Variants in LRIG2 observed in about 807,000 individuals in gnomAD.
LRIG2 encodes leucine-rich repeats and immunoglobulin-like domains protein 2.
A neutral mutation model predicts 107.8 loss-of-function variants in LRIG2; 93 were observed. That is an observed-to-expected ratio of 0.86 (90% CI 0.73 to 1.03). The LOEUF (loss-of-function observed/expected upper bound fraction) is 1.03, where lower values mean the gene tolerates loss of function less well. Among genes scored for constraint, LRIG2 ranks in the 50% least tolerant of loss-of-function variants. The pLI is 0.00. For synonymous variants in LRIG2, 471 were observed against 470.6 expected (o/e 1.00, Z -0.01); for missense variants, 1,226 against 1,296.0 (o/e 0.95, Z 0.83).
rs1016133487 is a variant in LRIG2, at chr1:113,112,636, C to T, written c.1956C>T (p.His652=). The T allele has an allele frequency of 5.6e-6, 9 of 1,614,158 alleles. No individual in the cohort carries two copies. Among genetic ancestry groups the T allele is most frequent in the Admixed American group, 1.7e-5 (1 of 60,012 alleles). ...DFPAARERRM[H]VMPEDDVFFI... The stretch of plus-strand genomic sequence containing the variant: ...CTGCGGCTCGAGAAAGACGCATGCA[C>T]GTCATGCCCGAGGATGACGTCTTCT... Residue 652 remains histidine (H), a synonymous_variant, in exon 14 of 18, where the codon CAC becomes CAT. Transcript: ENST00000361127.
intron 1 of LRIG2, among the ~76,000 whole-genome samples, chr1:113,083,997 T>A (rs1653410332): frequency 1.6e-5 from 2 of 125,706 alleles, no homozygotes; most frequent in African/African-American, 2.9e-5. Flanking sequence ...GAACTTAAAG[T>A]ATAATAATAA....
At position 113,126,406 on chromosome 1, in the gene LRIG2, C is replaced by T. The variant is rs1273601850; in HGVS notation, c.*2305C>T. On this transcript the variant is annotated 3_prime_UTR_variant, in exon 18 of 18. Coordinates refer to ENST00000361127, the MANE Select transcript of LRIG2 (RefSeq NM_014813.3). The stretch of plus-strand genomic sequence containing the variant: ...GTAAGTGGAACTTTCATTAATACTT[C>T]TGTCGCACTTTGTACCTGACCTAGG... The T allele has an allele frequency of 1.9e-5, 3 of 157,496 alleles. No individual in the cohort carries two copies. The highest frequency in any genetic ancestry group is 7.1e-5 in the African/African-American group (3 of 41,960). The allele number at this position is 157,496 out of a possible 1,614,324, so 9.8% of individuals were successfully genotyped here. A position where few individuals can be genotyped will look rare whatever the true frequency, so the allele number is the denominator to read the frequency against.
intron 1 of LRIG2, among the ~76,000 whole-genome samples, chr1:113,087,561 C>T (rs1016914904): frequency 2.0e-5 from 3 of 152,094 alleles, no homozygotes; most frequent in Admixed American, 2.0e-4. Context: ...GCTGGCCAGG[C>T]TTGTCTCGAA....
rs749284459 is a variant in LRIG2, at chr1:113,096,001, C to A, written c.931C>A (p.Gln311Lys). ...CAGCCCTGATGCATGGGAGTTCTGC[C>A]AAAGACTATCCGAACTGTAAGTGTT... ...RISPDAWEFC[Q>K]RLSELDLSYN... The change falls in exon 7 of 18, where the codon CAA (glutamine) becomes AAA (lysine). Residue 311 changes from glutamine to lysine, a missense_variant. Coordinates refer to ENST00000361127, the MANE Select transcript of LRIG2 (RefSeq NM_014813.3). 6.2e-7 allele frequency: 1 copy of A among 1,614,126 alleles called. No homozygotes were observed. The highest frequency in any genetic ancestry group is 1.7e-5 in the Admixed American group (1 of 60,020).
rs139220276 is a variant in LRIG2 at position 113,123,723 on chromosome 1, G to GTTTT, written c.2972-150_2972-147dup. 4.7e-3 allele frequency: 2,588 copies of GTTTT among 551,456 alleles called. 41 individuals are homozygous for GTTTT. Among genetic ancestry groups the GTTTT allele is most frequent in the African/African-American group, 0.038 (1,904 of 49,848 alleles). The allele number at this position is 551,456 out of a possible 1,614,324, so 34.2% of individuals were successfully genotyped here. A position where few individuals can be genotyped will look rare whatever the true frequency, so the allele number is the denominator to read the frequency against. On this transcript the variant is annotated intron_variant, in intron 17 of 17. Coordinates refer to ENST00000361127, the MANE Select transcript of LRIG2 (RefSeq NM_014813.3). ...TTTGAAAGACCATGTTCTGGTGGTGGTTTTTGTGTGTGTGTGTGTGTGTGT... is the reference window on the plus strand; with the variant it reads ...TTTGAAAGACCATGTTCTGGTGGTGGTTTTTTTTTGTGTGTGTGTGTGTGTGTGT...
chr1:113,092,006 C>A (rs1653848900), intron 2 of LRIG2, among the ~76,000 whole-genome samples: 1 of 152,178 alleles, frequency 6.6e-6, no homozygotes, highest in Admixed American at 6.5e-5. Flanking sequence ...GATTTACTTT[C>A]CTTTTTAATT....
At chr1:113,115,025 C>T in intron 15 of LRIG2, 149 bp downstream of exon 15, 2 of 717,238 alleles carry the variant, frequency 2.8e-6, no homozygotes, top group Non-Finnish European at 4.5e-6. Context: ...GGGAGGACTG[C>T]TTGAGCCCAG....
chr1:113,108,416 G>T (rs1654628922), intron 12 of LRIG2, among the ~76,000 whole-genome samples: 2 of 151,130 alleles, frequency 1.3e-5, no homozygotes, highest in Admixed American at 1.3e-4. Flanking sequence ...TAGAGACGGG[G>T]TTTTGCCATG....
Position 113,091,384 on chromosome 1 carries a change from G to A in LRIG2, c.305+1G>A, listed in dbSNP as rs770576370. ...TGGAATCACAAACATTACAGGAAGTGTAAGTTATTTTTATTTATTTAAAGT... is the reference window on the plus strand; with the variant it reads ...TGGAATCACAAACATTACAGGAAGTATAAGTTATTTTTATTTATTTAAAGT... On this transcript the variant is annotated splice_donor_variant, in intron 2 of 17. Coordinates refer to ENST00000361127, the MANE Select transcript of LRIG2 (RefSeq NM_014813.3). LOFTEE classifies it high-confidence loss of function. 6.4e-7 allele frequency: 1 copy of A among 1,570,004 alleles called. No homozygotes were observed. The highest frequency in any genetic ancestry group is 8.7e-7 in the Non-Finnish European group (1 of 1,150,772).
intron 17 of LRIG2, among the ~76,000 whole-genome samples, chr1:113,121,587 T>C (rs1655258714): frequency 6.6e-6 from 1 of 151,618 alleles, no homozygotes; most frequent in Admixed American, 6.6e-5. Flanking sequence ...TCTAAAAAAA[T>C]TAAAAATTAG....
At chr1:113,084,072 G>C (rs946215) in intron 1 of LRIG2, among the ~76,000 whole-genome samples, 127,921 of 148,352 alleles carry the variant, frequency 0.86, 57,713 homozygotes, top group Non-Finnish European at 0.98. Context: ...TCTCTGATTT[G>C]TTTGGTCTGG....
At chr1:113,123,757 G>A in intron 17 of LRIG2, 118 bp from the exon 18 acceptor site, 3 of 685,572 alleles carry the variant, frequency 4.4e-6, no homozygotes, top group Non-Finnish European at 7.6e-6. Flanking sequence ...GTGTGTGTGT[G>A]TGTGATTTCA....
chr1:113,078,485 C>T (rs771106542), intron 1 of LRIG2, among the ~76,000 whole-genome samples: 5 of 151,936 alleles, frequency 3.3e-5, no homozygotes, highest in Non-Finnish European at 7.4e-5. Context: ...GTGATCCACC[C>T]ACCTCGGCCT....
rs138690364 is a variant in LRIG2 at position 113,114,640 on chromosome 1, C to T, written c.2294C>T (p.Thr765Ile). The change falls in exon 15 of 18, where the codon ACC becomes ATC. Residue 765 changes from threonine to isoleucine, a missense_variant. Thr to Ile is a moderately conservative substitution (Grantham distance 89, BLOSUM62 -1). This residue lies in a region of LRIG2 where 642 missense variants were observed against 712.2 expected (regional missense o/e 0.90). Transcript: ENST00000361127. ...GGGCTAGAAGATGCTGGGAAATATA[C>T]CTGCATTATGTCTAACACCCTTGGG... ...DAGLEDAGKY[T>I]CIMSNTLGTE... The T allele has an allele frequency of 5.0e-4, 813 of 1,613,936 alleles. 8 individuals are homozygous for T. Among genetic ancestry groups the T allele is most frequent in the Middle Eastern group, 6.6e-4 (4 of 6,082 alleles).
rs749321763 is a variant in LRIG2 at position 113,114,516 on chromosome 1, G to T, written c.2170G>T (p.Ala724Ser). ...ACAGTGCATAGCTGGAGGGAGTCCT[G>T]CCCCTCGTCTCAACTGGACTAAAGA... ...VLQCIAGGSP[A>S]PRLNWTKDDG... Residue 724 changes from alanine to serine, a missense_variant, in exon 15 of 18, where the codon GCC becomes TCC. Physicochemically the swap from Ala to Ser is moderately conservative, Grantham distance 99. Transcript: ENST00000361127. The T allele has an allele frequency of 1.9e-6, 3 of 1,613,902 alleles. No individual in the cohort carries two copies. In the South Asian group the frequency reaches 3.3e-5, roughly 18 times the overall value.
intron 17 of LRIG2, among the ~76,000 whole-genome samples, chr1:113,123,350 G>A (rs548193861): frequency 1.3e-4 from 20 of 152,268 alleles, no homozygotes; most frequent in African/African-American, 4.6e-4. Flanking sequence ...TGAAGCAGGC[G>A]GATCACCTGA....
intron 1 of LRIG2, among the ~76,000 whole-genome samples, chr1:113,076,165 C>G (rs1274485830): frequency 6.6e-6 from 1 of 150,668 alleles, no homozygotes; most frequent in Admixed American, 6.6e-5. Flanking sequence ...GCCAGTATGC[C>G]CACCTAATTT....
rs1557914241 is a variant in LRIG2 at position 113,110,360 on chromosome 1, G to A, written c.1596G>A (p.Val532=). ...VSSSDSPMST[V]WRKDSEILYD... ...GCAGTGATTCACCCATGTCCACTGT[G>A]TGGCGCAAAGACAGTGAAATCCTGT... The change falls in exon 13 of 18, where the codon GTG becomes GTA. Residue 532 remains valine, a synonymous_variant. Transcript: ENST00000361127. 3 of 1,614,144 alleles carry A rather than the reference G, an allele frequency of 1.9e-6. No homozygotes were observed. Among genetic ancestry groups the A allele is most frequent in the Non-Finnish European group, 2.5e-6 (3 of 1,180,002 alleles).
At position 113,093,537 on chromosome 1, in the gene LRIG2, C is replaced by T; in HGVS notation, c.488C>T (p.Ser163Leu). 1 of 1,596,008 alleles carries T rather than the reference C, an allele frequency of 6.3e-7. No individual in the cohort carries two copies. The highest frequency in any genetic ancestry group is 1.1e-5 in the South Asian group (1 of 90,844). The change falls in exon 4 of 18, where the codon TCA becomes TTA. Residue 163 changes from serine (S) to leucine (L), a missense_variant. Transcript: ENST00000361127. ...ATAATATCAGAAATCAAGACATCTT[C>T]ATTTCCTCGCATGCAGCTTAAATAC... ...SNIISEIKTS[S>L]FPRMQLKYLN...
Sources: allele counts gnomAD v4.1 joint callset (sites outside exome capture counted in the v4.1 genomes callset), GRCh38; gene constraint gnomAD v4.1.1; regional missense constraint gnomAD v4.1.1; transcripts MANE v1.5; gene names NCBI Gene and HGNC (gene_info 2026-07-23, HGNC 2026-07-21).